ZNF735: variants seen among roughly 807,000 people sequenced by gnomAD.
ZNF735 encodes putative zinc finger protein 735.
ZNF735 carries 11 observed loss-of-function variants against 13.4 expected under a neutral mutation model. The ratio of observed to expected loss-of-function variants is 0.82; its 90% CI spans 0.52 to 1.36. The LOEUF is 1.36. ZNF735 is among the 40% of genes most tolerant of loss of function. The probability of loss-of-function intolerance (pLI) is 0.00; values close to 1 mark genes in which losing one functional copy is unlikely to be tolerated. For missense variants in ZNF735, 500 were observed against 484.6 expected (o/e 1.03, Z -0.30); for synonymous variants, 171 against 162.6 (o/e 1.05, Z -0.39).
At chr7:64,208,583 T>C (rs1296727375) in intron 1 of ZNF735, among the ~76,000 whole-genome samples, 1 of 152,090 alleles carries the variant, frequency 6.6e-6, no homozygotes, top group Non-Finnish European at 1.5e-5. Context: ...ACCTTTTATT[T>C]TAGGTTCAGG....
At chr7:64,207,824 TA>T (rs1461238982) in intron 1 of ZNF735, among the ~76,000 whole-genome samples, 1 of 152,012 alleles carries the variant, frequency 6.6e-6, no homozygotes, top group African/African-American at 2.4e-5. Flanking sequence ...CCATCTCTAC[TA>T]AAAATACAAA....
intron 3 of ZNF735, 128 bp from the exon 4 acceptor site, chr7:64,219,175 CTATGAAGGAAT>C: frequency 9.2e-7 from 1 of 1,092,184 alleles, no homozygotes. Context: ...ATTTATATAT[CTATGAAGGAAT>C]TATGGCCTGT....
At chr7:64,219,880 G>C in exon 4 of ZNF735, 11 of 1,613,528 alleles carry the variant, frequency 6.8e-6, no homozygotes, top group Non-Finnish European at 9.3e-6. Context: ...ATGTGGCCAA[G>C]CCTTTAGGCG....
At chr7:64,207,672 A>C (rs1469458040) in intron 1 of ZNF735, among the ~76,000 whole-genome samples, 2 of 152,102 alleles carry the variant, frequency 1.3e-5, no homozygotes, top group African/African-American at 4.8e-5. Flanking sequence ...ATATTAGAGA[A>C]TTTAATCAAA....
At chr7:64,207,225 C>A in exon 1 of ZNF735, 11 of 1,614,186 alleles carry the variant, frequency 6.8e-6, no homozygotes, top group Non-Finnish European at 9.3e-6. Context: ...CCGGGACCCC[C>A]TGGAAGCCGA....
chr7:64,216,425 A>T (rs1033157442), intron 3 of ZNF735, among the ~76,000 whole-genome samples: 4 of 152,214 alleles, frequency 2.6e-5, no homozygotes, highest in Non-Finnish European at 1.5e-5. Context: ...TCACTTAAAT[A>T]TGTTGAGCCT....
At chr7:64,217,445 A>T (rs1787435583) in intron 3 of ZNF735, among the ~76,000 whole-genome samples, 1 of 152,052 alleles carries the variant, frequency 6.6e-6, no homozygotes, top group South Asian at 2.1e-4. Flanking sequence ...TTCATATACA[A>T]TACAATGTTC....
exon 1 of ZNF735, chr7:64,207,227 G>A (rs760575811): frequency 3.7e-6 from 6 of 1,614,220 alleles, no homozygotes; most frequent in South Asian, 1.1e-5. Flanking sequence ...GGGACCCCCT[G>A]GAAGCCGAGA....
intron 1 of ZNF735, among the ~76,000 whole-genome samples, chr7:64,207,924 T>C (rs1584211560): frequency 6.6e-6 from 1 of 151,406 alleles, no homozygotes; most frequent in Non-Finnish European, 1.5e-5. Flanking sequence ...GAGGCGGAGG[T>C]TGCAGTGAGC....
At chr7:64,213,917 C>T (rs1787389451) in intron 2 of ZNF735, 96 bp from the exon 3 acceptor site, 2 of 1,172,120 alleles carry the variant, frequency 1.7e-6, no homozygotes, top group Admixed American at 2.7e-5. Flanking sequence ...TGAGATCATG[C>T]CACTGCACTC....
chr7:64,210,526 CA>C (rs1787344439), intron 1 of ZNF735, among the ~76,000 whole-genome samples: 2 of 152,126 alleles, frequency 1.3e-5, no homozygotes, highest in African/African-American at 4.8e-5. Context: ...CCAAGATTAC[CA>C]AGTGATTTAT....
At chr7:64,209,252 C>G (rs910618772) in intron 1 of ZNF735, among the ~76,000 whole-genome samples, 1 of 140,684 alleles carries the variant, frequency 7.1e-6, no homozygotes, top group African/African-American at 2.6e-5. Flanking sequence ...ACTTTTTAGT[C>G]TAATTGTTTT....
intron 1 of ZNF735, 144 bp downstream of exon 1, chr7:64,207,385 GC>G (rs1787301555): frequency 6.7e-7 from 1 of 1,483,862 alleles, no homozygotes; most frequent in African/African-American, 1.4e-5. Flanking sequence ...TCGGCTGTTA[GC>G]CCCCTCCAGC....
intron 2 of ZNF735, among the ~76,000 whole-genome samples, chr7:64,213,700 C>T (rs897040073): frequency 6.6e-6 from 1 of 152,150 alleles, no homozygotes; most frequent in African/African-American, 2.4e-5. Context: ...GTGGCTCACA[C>T]CTGTAATCCC....
chr7:64,208,246 T>TG (rs1787314532), intron 1 of ZNF735, among the ~76,000 whole-genome samples: 1 of 40,534 alleles, frequency 2.5e-5, no homozygotes, highest in Non-Finnish European at 4.8e-5. Context: ...CAATAAATGT[T>TG]TTTTTTTTTT....
intron 2 of ZNF735, among the ~76,000 whole-genome samples, chr7:64,213,717 T>C (rs1787387062): frequency 6.6e-6 from 1 of 152,094 alleles, no homozygotes; most frequent in South Asian, 2.1e-4. Flanking sequence ...TCCCAGCACG[T>C]TGGGAGGCCG....
intron 2 of ZNF735, among the ~76,000 whole-genome samples, chr7:64,213,651 T>A (rs1472726737): frequency 1.3e-5 from 2 of 152,192 alleles, no homozygotes; most frequent in Non-Finnish European, 2.9e-5. Flanking sequence ...ACTAGTTTGG[T>A]AATTAAAGAA....
At chr7:64,207,386 C>A (rs1317499840) in intron 1 of ZNF735, 145 bp downstream of exon 1, 9 of 1,479,002 alleles carry the variant, frequency 6.1e-6, no homozygotes, top group Non-Finnish European at 8.4e-6. Context: ...CGGCTGTTAG[C>A]CCCCTCCAGC....
In ZNF735 at chr7:64,207,320, T is replaced by A. The variant is rs542117285; in HGVS notation, c.39+79T>A. 494 of 1,613,128 alleles carry A rather than the reference T, an allele frequency of 3.1e-4. 6 individuals carry two copies. In the South Asian group the frequency reaches 4.6e-3, roughly 15 times the overall value. On this transcript the variant is annotated intron_variant, in intron 1 of 3. Transcript: ENST00000429565. ...CTGAAAGTGGCTGCAGCAGGACCCA[T>A]ACTTCCTCGCAGTCAGCTCCGGAGT...
Sources: gnomAD v4.1 joint callset for allele counts (sites outside exome capture counted in the v4.1 genomes callset) on GRCh38, gnomAD v4.1.1 for gene constraint, MANE v1.5 for transcripts, NCBI Gene and HGNC (gene_info 2026-07-23, HGNC 2026-07-21) for gene names.